TTC39B: variants seen among roughly 807,000 people sequenced by gnomAD.
TTC39B encodes the protein tetratricopeptide repeat domain 39B.
TTC39B carries 92 observed loss-of-function variants against 96.6 expected under a neutral mutation model. The ratio of observed to expected loss-of-function variants is 0.95; its 90% CI spans 0.80 to 1.13. The LOEUF is 1.13. TTC39B is among the 50% of genes most tolerant of loss of function. The pLI is 0.00. For missense variants in TTC39B, 955 were observed against 809.3 expected, an observed-to-expected ratio of 1.18 and a Z score of -2.18; for synonymous variants, 367 against 299.4, an observed-to-expected ratio of 1.23 and a Z score of -2.33.
chr9:15,298,704 A>T (rs1003303095), intron 1 of TTC39B, among the ~76,000 whole-genome samples: 4 of 152,066 alleles, frequency 2.6e-5, no homozygotes, highest in African/African-American at 9.7e-5. Context: ...ACACAGCCAA[A>T]CCATATCAAT....
intron 1 of TTC39B, among the ~76,000 whole-genome samples, chr9:15,282,446 ACTTAAT>A (rs1823802634): frequency 6.6e-6 from 1 of 152,202 alleles, no homozygotes; most frequent in Non-Finnish European, 1.5e-5. Flanking sequence ...CATTTATAAA[ACTTAAT>A]CTTAACATGG....
chr9:15,276,912 C>G (rs1823565509), intron 1 of TTC39B, among the ~76,000 whole-genome samples: 1 of 152,210 alleles, frequency 6.6e-6, no homozygotes, highest in Non-Finnish European at 1.5e-5. Context: ...TGGGACCAAC[C>G]AGTAGACTCA....
At position 15,203,969 on chromosome 9, in the gene TTC39B, G is replaced by A. The variant is rs180807588; in HGVS notation, c.692-79C>T. 3.7e-6 allele frequency: 5 copies of A among 1,347,584 alleles called. No homozygotes were observed. The Admixed American group carries it at 8.8e-5, about 24-fold the overall frequency. The allele number at this position is 1,347,584 out of a possible 1,614,324, so 83.5% of individuals were successfully genotyped here. On this transcript the variant is annotated intron_variant, in intron 6 of 19. Transcript: ENST00000512701. Reference sequence around the variant, plus strand: ...GCTCTGTGATGTTCAGGAAAGACTGGCAGAAAAATGAACCCAAGAGAGACC... The same window carrying A: ...GCTCTGTGATGTTCAGGAAAGACTGACAGAAAAATGAACCCAAGAGAGACC...
intron 1 of TTC39B, among the ~76,000 whole-genome samples, chr9:15,302,977 G>A (rs1301617737): frequency 6.6e-6 from 1 of 152,136 alleles, no homozygotes; most frequent in Admixed American, 6.5e-5. Context: ...AGACCATCCT[G>A]GCCAACATGG....
intron 17 of TTC39B, 141 bp from the exon 18 acceptor site, chr9:15,177,955 C>T (rs1468260121): frequency 8.4e-6 from 4 of 476,884 alleles, no homozygotes; most frequent in South Asian, 4.7e-5. Flanking sequence ...CTGCAAGCTC[C>T]GTCTCCCGGG....
intron 1 of TTC39B, among the ~76,000 whole-genome samples, chr9:15,293,850 C>T (rs972853667): frequency 5.9e-5 from 9 of 152,210 alleles, no homozygotes; most frequent in South Asian, 4.1e-4. Flanking sequence ...ATGTAGCCAA[C>T]GGTTGGAACC....
At chr9:15,249,948 T>C (rs1022176248) in intron 2 of TTC39B, 11 of 1,285,078 alleles carry the variant, frequency 8.6e-6, no homozygotes, top group East Asian at 1.1e-4. Context: ...TTTGGAGGAA[T>C]GAATATAGTC....
At chr9:15,228,922 A>G (rs2131416219) in intron 2 of TTC39B, among the ~76,000 whole-genome samples, 1 of 152,348 alleles carries the variant, frequency 6.6e-6, no homozygotes, top group East Asian at 1.9e-4. Flanking sequence ...TTAGATTCAG[A>G]TTCTTCAAGT....
chr9:15,230,388 CT>C (rs1346868195), intron 2 of TTC39B, among the ~76,000 whole-genome samples: 1 of 152,190 alleles, frequency 6.6e-6, no homozygotes, highest in Non-Finnish European at 1.5e-5. Flanking sequence ...TCATTCTCCA[CT>C]CCACCTCCTC....
intron 7 of TTC39B, 92 bp from the exon 8 acceptor site, chr9:15,200,017 A>C (rs1819441101): frequency 3.3e-6 from 2 of 615,068 alleles, no homozygotes; most frequent in Admixed American, 7.5e-5. Flanking sequence ...GAAAAACAAA[A>C]ACAAACAAAC....
At chr9:15,190,772 T>C (rs1586835606) in intron 10 of TTC39B, 110 bp from the exon 11 acceptor site, 1 of 870,604 alleles carries the variant, frequency 1.1e-6, no homozygotes, top group Admixed American at 2.2e-5. Flanking sequence ...AGATTTCATA[T>C]ATTACGCTGT....
At chr9:15,300,060 A>G (rs1824530144) in intron 1 of TTC39B, among the ~76,000 whole-genome samples, 1 of 152,182 alleles carries the variant, frequency 6.6e-6, no homozygotes, top group Non-Finnish European at 1.5e-5. Context: ...CTGACGGTAA[A>G]GTGATGCTGC....
chr9:15,189,841 T>C, intron 11 of TTC39B, 49 bp from the exon 12 acceptor site: 1 of 1,311,720 alleles, frequency 7.6e-7, no homozygotes, highest in Admixed American at 1.9e-5. Context: ...CATGGGGATA[T>C]TTATAACCAG....
At chr9:15,182,160 A>C (rs775569161) in intron 17 of TTC39B, 147 bp downstream of exon 17, 1 of 497,372 alleles carries the variant, frequency 2.0e-6, no homozygotes, top group Non-Finnish European at 3.5e-6. Flanking sequence ...CCTGCATTTG[A>C]CTGCAATCAC....
rs141040358 is a variant in TTC39B at position 15,198,255 on chromosome 9, G to A, written c.824+1606C>T. ...GGGTGGATCACGAGGTCAGGAGTTC[G>A]AGACCAGCCCGGTCAATATGGTGAA... On this transcript the variant is annotated intron_variant, in intron 8 of 19. Coordinates refer to ENST00000512701, the Ensembl canonical transcript of TTC39B. Among the ~76,000 whole-genome samples the A allele has an allele frequency of 3.5e-3, 537 of 151,574 alleles. 7 individuals carry two copies. The highest frequency in any genetic ancestry group is 0.013 in the African/African-American group (514 of 41,002).
intron 2 of TTC39B, among the ~76,000 whole-genome samples, chr9:15,233,637 C>T (rs1485580606): frequency 9.2e-5 from 14 of 152,188 alleles, no homozygotes; most frequent in South Asian, 2.1e-4. Context: ...GGATTGCAGA[C>T]GGAGTCTCGT....
intron 7 of TTC39B, among the ~76,000 whole-genome samples, chr9:15,203,132 C>T (rs1285590833): frequency 6.6e-6 from 1 of 152,184 alleles, no homozygotes; most frequent in Non-Finnish European, 1.5e-5. Context: ...ACTTCCTCTG[C>T]CCGGGCCACT....
rs1824759793 is a variant in TTC39B at position 15,306,539 on chromosome 9, G to A, written c.240+545C>T. Reference sequence around the variant, plus strand: ...AGCCCTCCAGCCCCAGCCCCTGGCAGCCCTGCCCTGCTGTCGCGGCAGGTA... The same window carrying A: ...AGCCCTCCAGCCCCAGCCCCTGGCAACCCTGCCCTGCTGTCGCGGCAGGTA... On this transcript the variant is annotated intron_variant, in intron 1 of 19. Coordinates refer to ENST00000512701, the Ensembl canonical transcript of TTC39B. The surrounding 1 kb of genome is among the most constrained non-coding windows in gnomAD (Gnocchi z 5.1). 1.3e-5 allele frequency among the ~76,000 whole-genome samples: 2 copies of A among 152,196 alleles called. No homozygotes were observed. The highest frequency in any genetic ancestry group is 2.4e-5 in the African/African-American group (1 of 41,464).
At chr9:15,263,071 A>T (rs1340919888) in intron 2 of TTC39B, among the ~76,000 whole-genome samples, 1 of 152,196 alleles carries the variant, frequency 6.6e-6, no homozygotes, top group Non-Finnish European at 1.5e-5. Flanking sequence ...GAGGCCTCTG[A>T]CTTGGACTAG....
Sources: gnomAD v4.1 joint callset for allele counts (sites outside exome capture counted in the v4.1 genomes callset) on GRCh38, gnomAD v4.1.1 for gene constraint, Gnocchi (gnomAD v3.1) non-coding constraint, MANE v1.5 for transcripts, NCBI Gene and HGNC (gene_info 2026-07-23, HGNC 2026-07-21) for gene names.